ADA: variants seen among roughly 807,000 people sequenced by gnomAD.
ADA encodes adenosine aminohydrolase.
ADA carries 45 observed loss-of-function variants against 49.0 expected under a neutral mutation model. The observed-to-expected ratio is 0.92, with a 90% confidence interval of 0.72 to 1.18. The LOEUF (loss-of-function observed/expected upper bound fraction) is 1.18, where lower values mean the gene tolerates loss of function less well. Ranked by LOEUF, ADA falls within the 50% of genes most tolerant of loss-of-function variation. The probability of loss-of-function intolerance (pLI) is 0.00; values close to 1 mark genes in which losing one functional copy is unlikely to be tolerated. For missense variants in ADA, 445 were observed against 472.5 expected (o/e 0.94, Z 0.54); for synonymous variants, 173 against 184.2 (o/e 0.94, Z 0.49).
At chr20:44,636,561 A>G (rs1391972034) in intron 1 of ADA, among the ~76,000 whole-genome samples, 1 of 152,134 alleles carries the variant, frequency 6.6e-6, no homozygotes, top group Non-Finnish European at 1.5e-5. Flanking sequence ...ATCTCATCCA[A>G]GGCCACACAG....
chr20:44,624,323 G>A lies in ADA; in HGVS notation c.485C>T (p.Ser162Phe). The stretch of plus-strand genomic sequence containing the variant: ...CTTACACAGCTCCACCACCTTGGGG[G>A]ACCAGTCTGTGGGCGAGATGCCCAC... ...LCCMRHQPNW[S>F]PKVVELCKKY... Residue 162 changes from serine to phenylalanine, a missense_variant, in exon 6 of 12, where the codon TCC (serine) becomes TTC (phenylalanine). Physicochemically the swap from Ser to Phe is radical, Grantham distance 155 (BLOSUM62 -2). Coordinates refer to ENST00000372874, the MANE Select transcript of ADA (RefSeq NM_000022.4). The A allele has an allele frequency of 6.2e-7, 1 of 1,613,506 alleles. No individual in the cohort carries two copies. The highest frequency in any genetic ancestry group is 8.5e-7 in the Non-Finnish European group (1 of 1,179,862).
At chr20:44,620,470 G>A in intron 10 of ADA, 69 bp from the exon 11 acceptor site, 1 of 1,304,944 alleles carries the variant, frequency 7.7e-7, no homozygotes, top group East Asian at 2.3e-5. Context: ...GCAATGTAGT[G>A]ATAGTCCATC....
At chr20:44,627,698 T>C (rs2065395880) in intron 3 of ADA, among the ~76,000 whole-genome samples, 2 of 152,128 alleles carry the variant, frequency 1.3e-5, no homozygotes, top group Non-Finnish European at 2.9e-5. Flanking sequence ...AGTAGCCCAA[T>C]ATTTGTTGGT....
intron 6 of ADA, 160 bp downstream of exon 6, chr20:44,624,042 G>T: frequency 9.5e-7 from 1 of 1,053,554 alleles, no homozygotes; most frequent in East Asian, 2.8e-5. Context: ...CACCACGCCT[G>T]GCCCAGGGGG....
At chr20:44,634,211 C>T (rs1459250019) in intron 2 of ADA, among the ~76,000 whole-genome samples, 2 of 152,244 alleles carry the variant, frequency 1.3e-5, no homozygotes, top group African/African-American at 2.4e-5. Flanking sequence ...CCCCACTGAA[C>T]GACCTCATTA....
chr20:44,619,771 T>C lies in ADA; in HGVS notation c.*63A>G, dbSNP rs2065309754. 6.2e-7 allele frequency: 1 copy of C among 1,601,076 alleles called. No homozygotes were observed. The highest frequency in any genetic ancestry group is 8.6e-7 in the Non-Finnish European group (1 of 1,168,190). ...TTCTTGGAAGGAATAAATGTAAAAA[T>C]GTTGCTCAGCCCCACAGAGTTGGGG... On this transcript the variant is annotated 3_prime_UTR_variant, in exon 12 of 12. Coordinates refer to ENST00000372874, the MANE Select transcript of ADA (RefSeq NM_000022.4).
intron 6 of ADA, among the ~76,000 whole-genome samples, chr20:44,623,741 T>C (rs1296066200): frequency 1.3e-5 from 2 of 151,022 alleles, no homozygotes; most frequent in Non-Finnish European, 3.0e-5. Context: ...TTTCTCTTTC[T>C]TCTTTCTTCC....
chr20:44,650,623 G>A (rs754380065), intron 1 of ADA, among the ~76,000 whole-genome samples: 31 of 151,692 alleles, frequency 2.0e-4, no homozygotes, highest in Non-Finnish European at 4.0e-4. Flanking sequence ...TTGGAGAGAC[G>A]GGGTCTAGTT....
intron 3 of ADA, among the ~76,000 whole-genome samples, chr20:44,627,055 G>A (rs1423461887): frequency 6.6e-6 from 1 of 151,874 alleles, no homozygotes; most frequent in Non-Finnish European, 1.5e-5. Context: ...CTCATTCCCT[G>A]AGGCCACCGG....
intron 1 of ADA, among the ~76,000 whole-genome samples, chr20:44,639,488 C>T (rs1404080374): frequency 2.0e-5 from 3 of 152,168 alleles, no homozygotes; most frequent in Non-Finnish European, 2.9e-5. Context: ...GCTCAGCTCA[C>T]GGAAACCTCC....
At chr20:44,632,992 T>G (rs2145332337) in intron 2 of ADA, among the ~76,000 whole-genome samples, 1 of 152,274 alleles carries the variant, frequency 6.6e-6, no homozygotes, top group East Asian at 1.9e-4. Context: ...CCATGCACGC[T>G]CTGTTCTTAG....
chr20:44,623,725 CTTTCT>C lies in ADA; in HGVS notation c.606+472_606+476del, dbSNP rs59850741. Reference sequence around the variant, plus strand: ...TTCCTTCCTTCCTCTCTTTCTTTCTCTTTCTTTTCTCTTTCTTCTTTCTTCCTTTT... The same window carrying C: ...TTCCTTCCTTCCTCTCTTTCTTTCTCTTTCTCTTTCTTCTTTCTTCCTTTT... On this transcript the variant is annotated intron_variant, in intron 6 of 11. Transcript: ENST00000372874. 5.2e-3 allele frequency among the ~76,000 whole-genome samples: 753 copies of C among 145,252 alleles called. 4 individuals carry two copies. Among genetic ancestry groups the C allele is most frequent in the African/African-American group, 0.02 (723 of 36,252 alleles).
At chr20:44,651,436 G>T in intron 1 of ADA, 139 bp downstream of exon 1, 1 of 893,614 alleles carries the variant, frequency 1.1e-6, no homozygotes, top group African/African-American at 1.7e-5. Context: ...GCAAGCCACG[G>T]CCTAAGCCGA....
At chr20:44,647,531 G>C (rs2065603772) in intron 1 of ADA, among the ~76,000 whole-genome samples, 1 of 152,070 alleles carries the variant, frequency 6.6e-6, no homozygotes, top group Non-Finnish European at 1.5e-5. Flanking sequence ...TGTAGCCCTG[G>C]CAAGTCCCTC....
intron 3 of ADA, among the ~76,000 whole-genome samples, chr20:44,627,477 G>C (rs915596110): frequency 6.6e-6 from 1 of 152,166 alleles, no homozygotes; most frequent in African/African-American, 2.4e-5. Flanking sequence ...CACTGTACCT[G>C]GCCCAGACCG....
intron 1 of ADA, among the ~76,000 whole-genome samples, chr20:44,636,655 C>G (rs1452204419): frequency 6.6e-6 from 1 of 152,104 alleles, no homozygotes; most frequent in Non-Finnish European, 1.5e-5. Context: ...GAATTCTAAC[C>G]CAAGCCCAAT....
intron 5 of ADA, among the ~76,000 whole-genome samples, chr20:44,625,152 C>G (rs770438834): frequency 1.3e-5 from 2 of 152,190 alleles, no homozygotes; most frequent in Non-Finnish European, 2.9e-5. Flanking sequence ...GGCACAAACT[C>G]TAGAGATCTG....
intron 4 of ADA, 118 bp downstream of exon 4, chr20:44,626,338 G>T (rs2065381873): frequency 1.3e-5 from 19 of 1,429,756 alleles, no homozygotes; most frequent in Non-Finnish European, 1.8e-5. Flanking sequence ...GGACCAGACT[G>T]GGGGCAAGAA....
chr20:44,623,216 C>T lies in ADA; in HGVS notation c.607-138G>A. 4.7e-6 allele frequency: 6 copies of T among 1,271,140 alleles called. No individual in the cohort carries two copies. The South Asian group carries it at 7.9e-5, about 17-fold the overall frequency. The allele number at this position is 1,271,140 out of a possible 1,614,324, so 78.7% of individuals were successfully genotyped here. A position where few individuals can be genotyped will look rare whatever the true frequency, so the allele number is the denominator to read the frequency against. On this transcript the variant is annotated intron_variant, in intron 6 of 11. Coordinates refer to ENST00000372874, the MANE Select transcript of ADA (RefSeq NM_000022.4). Reference sequence around the variant, plus strand: ...GCATGGGGAAACCTGGTCTTTTACCCTCCAAGTCCTTATCTAAGTGGTAGC... The same window carrying T: ...GCATGGGGAAACCTGGTCTTTTACCTTCCAAGTCCTTATCTAAGTGGTAGC...
Sources: gnomAD v4.1 joint callset for allele counts (sites outside exome capture counted in the v4.1 genomes callset) on GRCh38, gnomAD v4.1.1 for gene constraint, MANE v1.5 for transcripts, NCBI Gene and HGNC (gene_info 2026-07-23, HGNC 2026-07-21) for gene names.